The following SLC25A37 variants were observed in gnomAD, a reference collection of about 807,000 sequenced individuals.
SLC25A37 encodes the protein mitoferrin-1.
Under a neutral mutation model 31.0 loss-of-function variants are expected in SLC25A37, and 17 were observed. The observed-to-expected ratio is 0.55, with a 90% CI of 0.38 to 0.82. The LOEUF (loss-of-function observed/expected upper bound fraction) is 0.82. SLC25A37 is among the 40% of genes least tolerant of loss of function. The pLI is 0.00. For missense variants in SLC25A37, 404 were observed against 465.8 expected (o/e 0.87, Z 1.22); for synonymous variants, 222 against 193.0 (o/e 1.15, Z -1.24).
chr8:23,566,852 G>C (rs892408198), intron 2 of SLC25A37: 2 of 984,640 alleles, frequency 2.0e-6, no homozygotes, highest in African/African-American at 3.5e-5. Flanking sequence ...CTCGCGCAAC[G>C]CAGAAGGCCT....
At chr8:23,571,303 C>T (rs1480217882) in intron 3 of SLC25A37, 32 bp from the exon 4 acceptor site, 2 of 1,503,136 alleles carry the variant, frequency 1.3e-6, no homozygotes, top group African/African-American at 2.8e-5. Context: ...CACTGGCTGT[C>T]CGTCTGGCCT....
At chr8:23,566,987 G>A (rs776792798) in intron 2 of SLC25A37, 8 of 248,270 alleles carry the variant, frequency 3.2e-5, no homozygotes, top group South Asian at 1.5e-4. Flanking sequence ...GGAGAGAGGC[G>A]GGGTGGGGGG....
chr8:23,571,646 C>A lies in SLC25A37; in HGVS notation c.808C>A (p.Leu270Ile). The change falls in exon 4 of 4, where the codon CTC becomes ATC. Residue 270 changes from leucine to isoleucine, a missense_variant. By Grantham distance (5) the Leu-to-Ile change is conservative. Around this residue, in one of 3 missense-constraint regions of SLC25A37, gnomAD observed 243 missense variants for 284.4 expected, o/e 0.85. Transcript: ENST00000519973. ...TLLNTQENVA[L>I]SLANISGRLS... ...TCTGAACACTCAGGAGAACGTGGCC[C>A]TCTCGCTGGCCAACATCAGCGGCCG... is the stretch of plus-strand genomic sequence containing the variant. The A allele has an allele frequency of 6.2e-7, 1 of 1,613,962 alleles. No individual in the cohort carries two copies. Among genetic ancestry groups the A allele is most frequent in the Non-Finnish European group, 8.5e-7 (1 of 1,179,884 alleles).
At chr8:23,537,657 G>A (rs188169792) in intron 1 of SLC25A37, among the ~76,000 whole-genome samples, 3 of 152,298 alleles carry the variant, frequency 2.0e-5, no homozygotes, top group East Asian at 3.9e-4. Flanking sequence ...GAAAATACAG[G>A]CAGGTTTGCA....
At chr8:23,567,826 GTTTTTTTTTT>G (rs542715318) in intron 2 of SLC25A37, 54 of 111,622 alleles carry the variant, frequency 4.8e-4, no homozygotes, top group Middle Eastern at 5.2e-3. Flanking sequence ...CTCTTGCCCA[GTTTTTTTTTT>G]TTTTTTTTTT....
Position 23,552,340 on chromosome 8 carries a change from G to A in SLC25A37, c.211-13768G>A, listed in dbSNP as rs77870593. 3.3e-5 allele frequency among the ~76,000 whole-genome samples: 5 copies of A among 152,312 alleles called. No individual in the cohort carries two copies. In the East Asian group the frequency reaches 5.8e-4, roughly 18 times the overall value. On this transcript the variant is annotated intron_variant, in intron 1 of 3. Transcript: ENST00000519973. The stretch of plus-strand genomic sequence containing the variant: ...AGCATGGTTAGGGGATTTTACAGAC[G>A]AGGGAACTGAAGTTCAGGGAAGTTA...
At chr8:23,544,808 G>A (rs1801992684) in intron 1 of SLC25A37, among the ~76,000 whole-genome samples, 1 of 152,172 alleles carries the variant, frequency 6.6e-6, no homozygotes, top group Admixed American at 6.5e-5. Flanking sequence ...GAAAGTGTCT[G>A]TGGTTTGGGG....
intron 1 of SLC25A37, among the ~76,000 whole-genome samples, chr8:23,560,636 C>G (rs956856959): frequency 1.3e-5 from 2 of 152,226 alleles, no homozygotes; most frequent in African/African-American, 2.4e-5. Flanking sequence ...GGGGGCCTGA[C>G]CAGGCCCATC....
intron 1 of SLC25A37, among the ~76,000 whole-genome samples, chr8:23,535,187 G>A (rs188131125): frequency 1.4e-4 from 22 of 152,286 alleles, no homozygotes; most frequent in African/African-American, 5.3e-4. Flanking sequence ...CCTGGGTCCT[G>A]GACAGCCCAT....
intron 1 of SLC25A37, among the ~76,000 whole-genome samples, chr8:23,546,632 A>ATC (rs1218579555): frequency 6.9e-6 from 1 of 145,050 alleles, no homozygotes; most frequent in Non-Finnish European, 1.5e-5. Flanking sequence ...ATATATATAT[A>ATC]TATTTGGGCC....
rs919382708 is a variant in SLC25A37, at chr8:23,568,476, C to T, written c.496+98C>T. The T allele has an allele frequency of 2.6e-5, 35 of 1,364,612 alleles. No individual in the cohort carries two copies. In the African/African-American group the frequency reaches 2.6e-4, roughly 10 times the overall value. The allele number at this position is 1,364,612 out of a possible 1,614,324, so 84.5% of individuals were successfully genotyped here. On this transcript the variant is annotated intron_variant, in intron 3 of 3. Transcript: ENST00000519973. ...TGGAGAGGACTGAAGGTGGGCAGAG[C>T]GGCTCCTAGTCTCCAGTCAGAGCAG...
In SLC25A37 at chr8:23,572,358, A is replaced by T. The variant is rs1034347644; in HGVS notation, c.*503A>T. 6.5e-6 allele frequency: 1 copy of T among 153,138 alleles called. No individual in the cohort carries two copies. Among genetic ancestry groups the T allele is most frequent in the Non-Finnish European group, 1.5e-5 (1 of 68,864 alleles). 9.5% of individuals were successfully genotyped at this position (153,138 alleles called of 1,614,324 possible). A position where few individuals can be genotyped will look rare whatever the true frequency, so the allele number is the denominator to read the frequency against. ...TTTGTGTGTGTGCTTGTGCGTGTCTACACCTAGTATTACGGCTGGGACTCT... is the reference window on the plus strand; with the variant it reads ...TTTGTGTGTGTGCTTGTGCGTGTCTTCACCTAGTATTACGGCTGGGACTCT... On this transcript the variant is annotated 3_prime_UTR_variant, in exon 4 of 4. Coordinates refer to ENST00000519973, the MANE Select transcript of SLC25A37 (RefSeq NM_016612.4).
chr8:23,542,126 T>C (rs918490652), intron 1 of SLC25A37, among the ~76,000 whole-genome samples: 1 of 152,192 alleles, frequency 6.6e-6, no homozygotes, highest in Non-Finnish European at 1.5e-5. Context: ...GGACTCCATA[T>C]GTGATGAGAC....
At chr8:23,549,462 G>C (rs76063664) in intron 1 of SLC25A37, among the ~76,000 whole-genome samples, 3,431 of 152,256 alleles carry the variant, frequency 0.023, 55 homozygotes, top group Middle Eastern at 0.041. Context: ...AAAAGCTTCG[G>C]AAGTAATTTG....
At chr8:23,567,377 A>G (rs996867421) in intron 2 of SLC25A37, 1 of 152,178 alleles carries the variant, frequency 6.6e-6, no homozygotes, top group African/African-American at 2.4e-5. Flanking sequence ...CCCTGATTCT[A>G]TGACATTGGG....
intron 3 of SLC25A37, 97 bp downstream of exon 3, chr8:23,568,475 G>A: frequency 7.3e-7 from 1 of 1,371,268 alleles, no homozygotes; most frequent in Non-Finnish European, 1.0e-6. Context: ...GGTGGGCAGA[G>A]CGGCTCCTAG....
intron 3 of SLC25A37, among the ~76,000 whole-genome samples, chr8:23,569,767 C>T (rs1460489321): frequency 7.5e-6 from 1 of 133,612 alleles, no homozygotes; most frequent in East Asian, 2.1e-4. Context: ...GCGTCTTAGC[C>T]GGGTACTCGT....
Position 23,573,918 on chromosome 8 carries a change from G to A in SLC25A37, c.*2063G>A, listed in dbSNP as rs1056728752. 10 of 449,236 alleles carry A rather than the reference G, an allele frequency of 2.2e-5. No individual in the cohort carries two copies. The highest frequency in any genetic ancestry group is 1.7e-4 in the Admixed American group (7 of 42,374). 27.8% of individuals were successfully genotyped at this position (449,236 alleles called of 1,614,324 possible). A position where few individuals can be genotyped will look rare whatever the true frequency, so the allele number is the denominator to read the frequency against. Reference sequence around the variant, plus strand: ...TACTGTTGAAAATGTTTACATCTCCGCTCTCAACCTGCCTTGGGTTCGTGT... The same window carrying A: ...TACTGTTGAAAATGTTTACATCTCCACTCTCAACCTGCCTTGGGTTCGTGT... On this transcript the variant is annotated 3_prime_UTR_variant, in exon 4 of 4. Coordinates refer to ENST00000519973, the MANE Select transcript of SLC25A37 (RefSeq NM_016612.4).
chr8:23,533,235 A>G (rs1801696634), intron 1 of SLC25A37, among the ~76,000 whole-genome samples: 1 of 152,040 alleles, frequency 6.6e-6, no homozygotes. Flanking sequence ...TCTCTGCCCT[A>G]AATTGGGGAG....
Sources: gnomAD v4.1 joint callset for allele counts (sites outside exome capture counted in the v4.1 genomes callset) on GRCh38, gnomAD v4.1.1 for gene constraint, gnomAD v4.1.1 regional missense constraint, MANE v1.5 for transcripts, NCBI Gene and HGNC (gene_info 2026-07-23, HGNC 2026-07-21) for gene names.